The following SYN1 variants were observed in gnomAD, a reference collection of about 807,000 sequenced individuals.
SYN1 encodes synapsin-1.
SYN1 carries 8 observed loss-of-function variants against 44.6 expected under a neutral mutation model. The observed-to-expected ratio is 0.18, with a 90% confidence interval of 0.11 to 0.32. SYN1 has a LOEUF of 0.32. SYN1 is among the 10% of genes least tolerant of loss of function. SYN1 has a pLI of 1.00. For synonymous variants in SYN1, 275 were observed against 280.1 expected, an observed-to-expected ratio of 0.98 and a Z score of 0.18; for missense variants, 451 against 639.4, an observed-to-expected ratio of 0.71 and a Z score of 3.18.
chrX:47,598,514 A>G lies in SYN1; in HGVS notation c.774+6464T>C, dbSNP rs139087862. On this transcript the variant is annotated intron_variant, in intron 5 of 12. Transcript: ENST00000295987. ...TTGAGACCAGCATGGGCAACATGGC[A>G]AGGTCCTGTCTCTACAAAAAAATTA... 7.3e-3 allele frequency among the ~76,000 whole-genome samples: 820 copies of G among 111,753 alleles called. 4 individuals carry two copies. Among genetic ancestry groups the G allele is most frequent in the Non-Finnish European group, 0.012 (648 of 53,088 alleles).
At chrX:47,619,065 G>T (rs2057939360) in intron 1 of SYN1, among the ~76,000 whole-genome samples, 1 of 110,602 alleles carries the variant, frequency 9.0e-6, no homozygotes, top group African/African-American at 3.3e-5. Context: ...GTTTTCGAAG[G>T]CTCATAGGAT....
chrX:47,603,912 T>A (rs868767588), intron 5 of SYN1, among the ~76,000 whole-genome samples: 9,978 of 97,126 alleles, frequency 0.1, 570 homozygotes, highest in African/African-American at 0.12. Flanking sequence ...ATATATTTTT[T>A]TTTTTTTTTT....
rs754495207 is a variant in SYN1, at chrX:47,619,471, C to G, written c.258G>C (p.Gln86His). 8.3e-7 allele frequency: 1 copy of G among 1,198,046 alleles called. No individual in the cohort carries two copies. Among genetic ancestry groups the G allele is most frequent in the Admixed American group, 2.2e-5 (1 of 45,836 alleles). ...FFSSLSNAVK[Q>H]TTAAAAATFS... is the part of the protein sequence containing the mutation. ...AGGTGGCAGCTGCCGCCGCCGTGGTCTGCTTGACCGCGTTGGACAGCGACG... is the reference window on the plus strand; with the variant it reads ...AGGTGGCAGCTGCCGCCGCCGTGGTGTGCTTGACCGCGTTGGACAGCGACG... The change falls in exon 1 of 13, where the codon CAG (glutamine) becomes CAC (histidine). Residue 86 changes from glutamine (Q) to histidine (H), a missense_variant. Around this residue, in one of 3 missense-constraint regions of SYN1, gnomAD observed 315 missense variants for 451.4 expected, o/e 0.70. Coordinates refer to ENST00000295987, the MANE Select transcript of SYN1 (RefSeq NM_006950.3).
intron 5 of SYN1, among the ~76,000 whole-genome samples, chrX:47,581,013 T>TA (rs1468995127): frequency 6.6e-4 from 74 of 111,781 alleles, no homozygotes; most frequent in African/African-American, 2.2e-3. Context: ...TCTGGGCTTT[T>TA]AGTGTCCCCA....
chrX:47,597,881 A>G (rs1216258458), intron 5 of SYN1, among the ~76,000 whole-genome samples: 1 of 112,348 alleles, frequency 8.9e-6, no homozygotes, highest in East Asian at 2.8e-4. Context: ...AGGACAACAT[A>G]TTCAAAGTAC....
chrX:47,581,503 C>G (rs1346392132), intron 5 of SYN1, among the ~76,000 whole-genome samples: 3 of 111,560 alleles, frequency 2.7e-5, no homozygotes, highest in African/African-American at 9.8e-5. Flanking sequence ...TCATGGCCAC[C>G]CCCTTCCCAA....
intron 5 of SYN1, among the ~76,000 whole-genome samples, chrX:47,599,531 C>G (rs907546510): frequency 1.8e-5 from 2 of 112,535 alleles, no homozygotes; most frequent in African/African-American, 6.5e-5. Context: ...ATGTTAACAT[C>G]ATTTGTAGGG....
At chrX:47,580,325 G>C (rs1160493669) in intron 5 of SYN1, among the ~76,000 whole-genome samples, 1 of 107,738 alleles carries the variant, frequency 9.3e-6, no homozygotes, top group South Asian at 4.4e-4. Flanking sequence ...GCCCGGCCAA[G>C]TGCTTTCTTA....
In SYN1 at chrX:47,574,204, G is replaced by C. The variant is rs980227443; in HGVS notation, c.1780C>G (p.Pro594Ala). The C allele has an allele frequency of 9.3e-6, 10 of 1,074,003 alleles. No homozygotes were observed. The highest frequency in any genetic ancestry group is 1.1e-5 in the Non-Finnish European group (9 of 835,675). The allele number at this position is 1,074,003 out of a possible 1,213,427, so 88.5% of individuals were successfully genotyped here. Residue 594 changes from proline to alanine, a missense_variant, in exon 12 of 13, where the codon CCC becomes GCC. Pro to Ala is a conservative substitution (Grantham distance 27, BLOSUM62 -1). Transcript: ENST00000295987. ...CGTGTGGGGCCGGCTGGGCCTGGGG[G>C]TTTCTGGGGCGGGCCCTGGCGCTGC... ...GQQRQGPPQK[P>A]PGPAGPTRQA...
intron 5 of SYN1, among the ~76,000 whole-genome samples, chrX:47,578,636 C>G (rs1483539475): frequency 8.9e-6 from 1 of 111,790 alleles, no homozygotes; most frequent in East Asian, 2.8e-4. Flanking sequence ...AAGTCTCCCC[C>G]GCTCCTGGAT....
rs781300558 is a variant in SYN1 at position 47,580,501 on chromosome X, T to C, written c.775-3000A>G. ...CAAAAATTAGCCAGGCGTGGTGGCG[T>C]GTGCCTGTAACCCCAGCTACTGAGG... On this transcript the variant is annotated intron_variant, in intron 5 of 12. Transcript: ENST00000295987. Among the ~76,000 whole-genome samples the C allele has an allele frequency of 7.4e-5, 8 of 108,677 alleles. No homozygotes were observed. The South Asian group carries it at 3.3e-3, about 44-fold the overall frequency. The allele number at this position is 108,677 out of a possible 115,157, so 94.4% of individuals were successfully genotyped here. A position where few individuals can be genotyped will look rare whatever the true frequency, so the allele number is the denominator to read the frequency against.
chrX:47,586,551 C>G lies in SYN1; in HGVS notation c.775-9050G>C, dbSNP rs756099659. ...TCCCTGTTTATCCATCCCCTGCAAA[C>G]TGCAGAGTGGCACTCATTGCTTGTG... On this transcript the variant is annotated intron_variant, in intron 5 of 12. Transcript: ENST00000295987. 5.4e-5 allele frequency: 65 copies of G among 1,210,732 alleles called. No homozygotes were observed. The South Asian group carries it at 1.0e-3, about 19-fold the overall frequency.
Position 47,583,333 on chromosome X carries a change from A to C in SYN1, c.775-5832T>G. 1.1e-5 allele frequency: 11 copies of C among 1,032,867 alleles called. No homozygotes were observed. In the South Asian group the frequency reaches 2.6e-4, roughly 24 times the overall value. The allele number at this position is 1,032,867 out of a possible 1,213,427, so 85.1% of individuals were successfully genotyped here. On this transcript the variant is annotated intron_variant, in intron 5 of 12. Coordinates refer to ENST00000295987, the MANE Select transcript of SYN1 (RefSeq NM_006950.3). ...CCCCCCCATAGGCTGCCCCGGGGCA[A>C]GATGGGGTGGATGACCTGCCCAGGT...
chrX:47,591,492 G>A (rs929753086), intron 5 of SYN1, among the ~76,000 whole-genome samples: 2 of 110,718 alleles, frequency 1.8e-5, no homozygotes, highest in Non-Finnish European at 3.8e-5. Context: ...AGGCCGAGGC[G>A]GGTGGATCAC....
intron 6 of SYN1, among the ~76,000 whole-genome samples, chrX:47,577,099 G>A (rs1334712956): frequency 9.0e-6 from 1 of 110,719 alleles, no homozygotes; most frequent in Non-Finnish European, 1.9e-5. Context: ...CCAAGACTTT[G>A]GAACATAAAA....
At chrX:47,575,082 C>T (rs1216566461) in intron 10 of SYN1, 46 bp downstream of exon 10, 1 of 1,172,512 alleles carries the variant, frequency 8.5e-7, no homozygotes, top group African/African-American at 1.8e-5. Flanking sequence ...CAGGGCCGGC[C>T]TCCCCACACT....
intron 5 of SYN1, among the ~76,000 whole-genome samples, chrX:47,594,418 C>T (rs2057857669): frequency 9.2e-6 from 1 of 108,781 alleles, no homozygotes; most frequent in Admixed American, 9.8e-5. Context: ...CCTGTAGTCC[C>T]AGCTACTTGG....
intron 5 of SYN1, among the ~76,000 whole-genome samples, chrX:47,584,782 T>C (rs1312388380): frequency 8.9e-6 from 1 of 112,066 alleles, no homozygotes; most frequent in Non-Finnish European, 1.9e-5. Context: ...GATGAATCAA[T>C]GAACAAATGT....
At chrX:47,607,808 G>A (rs935850869) in intron 1 of SYN1, among the ~76,000 whole-genome samples, 1 of 110,301 alleles carries the variant, frequency 9.1e-6, no homozygotes, top group African/African-American at 3.3e-5. Flanking sequence ...AAGGCGGGTG[G>A]ATCACCTGAG....
Sources: gnomAD v4.1 joint callset for allele counts (sites outside exome capture counted in the v4.1 genomes callset) on GRCh38, gnomAD v4.1.1 for gene constraint, gnomAD v4.1.1 regional missense constraint, MANE v1.5 for transcripts, NCBI Gene and HGNC (gene_info 2026-07-23, HGNC 2026-07-21) for gene names.